The following CLEC16A variants were observed in gnomAD, a reference collection of about 807,000 sequenced individuals.
CLEC16A encodes C-type lectin domain containing 16A, also known as protein CLEC16A.
In CLEC16A, 51 loss-of-function variants were observed where a neutral mutation model predicts 109.5. The observed-to-expected ratio is 0.47, with a 90% CI of 0.37 to 0.59. CLEC16A has a LOEUF of 0.59. CLEC16A is among the 20% of genes least tolerant of loss of function. The probability of loss-of-function intolerance (pLI) is 0.00; values close to 1 mark genes in which losing one functional copy is unlikely to be tolerated. For missense variants in CLEC16A, 1,339 were observed against 1,394.0 expected, an observed-to-expected ratio of 0.96 and a Z score of 0.63; for synonymous variants, 673 against 564.2, an observed-to-expected ratio of 1.19 and a Z score of -2.73.
intron 2 of CLEC16A, among the ~76,000 whole-genome samples, chr16:10,958,630 G>A (rs959321952): frequency 2.8e-4 from 42 of 152,182 alleles, no homozygotes; most frequent in African/African-American, 9.9e-4. Flanking sequence ...GCCGCCAGGC[G>A]CGGTGGCTCA....
chr16:11,031,553 C>T (rs1178113128), intron 13 of CLEC16A, among the ~76,000 whole-genome samples: 1 of 152,204 alleles, frequency 6.6e-6, no homozygotes, highest in Non-Finnish European at 1.5e-5. Context: ...TTCCTTCTCC[C>T]ATTTTCTGCT....
intron 5 of CLEC16A, among the ~76,000 whole-genome samples, chr16:10,972,068 T>A (rs2042817005): frequency 1.3e-5 from 2 of 152,238 alleles, no homozygotes; most frequent in Non-Finnish European, 2.9e-5. Flanking sequence ...GGTCGCAAAC[T>A]GAGGACCTGT....
At chr16:11,130,376 C>G (rs1469744102) in intron 22 of CLEC16A, among the ~76,000 whole-genome samples, 1 of 152,194 alleles carries the variant, frequency 6.6e-6, no homozygotes, top group Non-Finnish European at 1.5e-5. Context: ...GGAACTTTGA[C>G]AAGGGAACAC....
intron 19 of CLEC16A, among the ~76,000 whole-genome samples, chr16:11,110,266 G>C (rs912757537): frequency 1.3e-5 from 2 of 152,226 alleles, no homozygotes; most frequent in African/African-American, 4.8e-5. Context: ...AGCAGCTAGT[G>C]ATACTGGTCA....
chr16:11,107,513 C>T (rs1316153976), intron 19 of CLEC16A, among the ~76,000 whole-genome samples: 1 of 152,218 alleles, frequency 6.6e-6, no homozygotes, highest in Non-Finnish European at 1.5e-5. Flanking sequence ...GAGAAGCAGC[C>T]AACCTAATTG....
In CLEC16A at chr16:11,173,022, C is replaced by G. The variant is rs1293619268; in HGVS notation, c.2807-5313C>G. 2.6e-5 allele frequency among the ~76,000 whole-genome samples: 4 copies of G among 152,290 alleles called. No individual in the cohort carries two copies. In the South Asian group the frequency reaches 8.3e-4, roughly 32 times the overall value. ...AGTGCAGGGAGCTTCCCCGGCTTCC[C>G]TCCCATCTGGACCCACCCCTGTGCC... On this transcript the variant is annotated intron_variant, in intron 23 of 23. Coordinates refer to ENST00000409790, the MANE Select transcript of CLEC16A (RefSeq NM_015226.3).
intron 22 of CLEC16A, among the ~76,000 whole-genome samples, chr16:11,163,826 C>G (rs1312252296): frequency 3.3e-5 from 5 of 152,178 alleles, no homozygotes; most frequent in African/African-American, 1.2e-4. Flanking sequence ...ACTACACTGG[C>G]TGGCCCTCTG....
chr16:11,088,081 C>G (rs909107196), intron 19 of CLEC16A, among the ~76,000 whole-genome samples: 1 of 152,242 alleles, frequency 6.6e-6, no homozygotes, highest in Non-Finnish European at 1.5e-5. Context: ...GCTGGGGGCT[C>G]TCTGTCTCGA....
In CLEC16A at chr16:10,972,573, C is replaced by T. The variant is rs1398606173; in HGVS notation, c.604+14C>T. 4 of 1,609,040 alleles carry T rather than the reference C, an allele frequency of 2.5e-6. No individual in the cohort carries two copies. Among genetic ancestry groups the T allele is most frequent in the African/African-American group, 1.3e-5 (1 of 74,798 alleles). On this transcript the variant is annotated intron_variant, in intron 6 of 23. Coordinates refer to ENST00000409790, the MANE Select transcript of CLEC16A (RefSeq NM_015226.3). ...TTCCAGTGTCATGTAAGTTATTAAC[C>T]TCTGGTTTTCTGCTTTCTTAATCTA...
intron 5 of CLEC16A, among the ~76,000 whole-genome samples, chr16:10,971,764 A>T (rs1161372374): frequency 6.6e-6 from 1 of 151,934 alleles, no homozygotes; most frequent in Non-Finnish European, 1.5e-5. Flanking sequence ...CCATTCCCCC[A>T]CTCTCCGCTG....
At chr16:11,055,536 G>A (rs929734379) in intron 18 of CLEC16A, among the ~76,000 whole-genome samples, 5 of 150,364 alleles carry the variant, frequency 3.3e-5, no homozygotes, top group Admixed American at 1.3e-4. Flanking sequence ...TTTGCAGGCC[G>A]TGGGGAGGCA....
At position 11,007,762 on chromosome 16, in the gene CLEC16A, C is replaced by G. The variant is rs182546331; in HGVS notation, c.1303+4457C>G. ...TTAATTTCTACAGCTAGTAAGTGAG[C>G]TTAGTGAGTGTGCAGGTGAGTATGT... On this transcript the variant is annotated intron_variant, in intron 11 of 23. Coordinates refer to ENST00000409790, the MANE Select transcript of CLEC16A (RefSeq NM_015226.3). 1.5e-3 allele frequency among the ~76,000 whole-genome samples: 221 copies of G among 152,080 alleles called. 1 individual carries two copies. The highest frequency in any genetic ancestry group is 6.8e-3 in the Middle Eastern group (2 of 294).
chr16:11,022,358 T>A (rs1014901382), intron 12 of CLEC16A, among the ~76,000 whole-genome samples: 5 of 146,802 alleles, frequency 3.4e-5, no homozygotes, highest in Non-Finnish European at 4.5e-5. Flanking sequence ...TTTTTTTTTT[T>A]TTTGCAAAGA....
At chr16:11,062,623 A>G (rs2152907529) in intron 19 of CLEC16A, among the ~76,000 whole-genome samples, 1 of 152,296 alleles carries the variant, frequency 6.6e-6, no homozygotes. Flanking sequence ...GCCGCCTGAC[A>G]CGTAGAGGTT....
At chr16:11,085,925 A>G (rs2049986138) in intron 19 of CLEC16A, among the ~76,000 whole-genome samples, 1 of 152,062 alleles carries the variant, frequency 6.6e-6, no homozygotes, top group Non-Finnish European at 1.5e-5. Context: ...TTGGGCGGGG[A>G]CAAACATCCA....
intron 11 of CLEC16A, among the ~76,000 whole-genome samples, chr16:11,016,001 T>G (rs1421542023): frequency 1.3e-5 from 2 of 152,198 alleles, no homozygotes; most frequent in African/African-American, 4.8e-5. Flanking sequence ...ATGGCAAGCC[T>G]TGTTAGTAAA....
At chr16:11,160,605 G>A (rs561452088) in intron 22 of CLEC16A, among the ~76,000 whole-genome samples, 16 of 152,238 alleles carry the variant, frequency 1.1e-4, no homozygotes, top group African/African-American at 3.4e-4. Flanking sequence ...GAGCCAGCCC[G>A]TCCCTTGTCC....
At chr16:11,085,467 T>C (rs1475294946) in intron 19 of CLEC16A, among the ~76,000 whole-genome samples, 1 of 152,278 alleles carries the variant, frequency 6.6e-6, no homozygotes, top group Non-Finnish European at 1.5e-5. Flanking sequence ...TTGGCTGTCC[T>C]CTTCATCTTT....
At chr16:11,147,658 A>C (rs2054121808) in intron 22 of CLEC16A, among the ~76,000 whole-genome samples, 1 of 152,254 alleles carries the variant, frequency 6.6e-6, no homozygotes, top group Non-Finnish European at 1.5e-5. Flanking sequence ...TGTACACTTT[A>C]AATGGATTCA....
Sources: allele counts gnomAD v4.1 joint callset (sites outside exome capture counted in the v4.1 genomes callset), GRCh38; gene constraint gnomAD v4.1.1; transcripts MANE v1.5; gene names NCBI Gene and HGNC (gene_info 2026-07-23, HGNC 2026-07-21).